ICA1L: variants seen among roughly 807,000 people sequenced by gnomAD.
ICA1L encodes islet cell autoantigen 1 like.
In ICA1L, 50 loss-of-function variants were observed where a neutral mutation model predicts 61.3. The observed-to-expected ratio is 0.82, with a 90% CI of 0.65 to 1.03. The LOEUF is 1.03. ICA1L is among the 50% of genes least tolerant of loss of function. The pLI is 0.00. For missense variants in ICA1L, 508 were observed against 556.7 expected (o/e 0.91, Z 0.88); for synonymous variants, 161 against 191.3 (o/e 0.84, Z 1.31).
At chr2:202,835,264 G>C (rs144630409) in intron 1 of ICA1L, among the ~76,000 whole-genome samples, 1 of 141,094 alleles carries the variant, frequency 7.1e-6, no homozygotes, top group Non-Finnish European at 1.5e-5. Context: ...TGTTGCCTAG[G>C]CTGGAGTGCA....
rs1433737190 is a variant in ICA1L at position 202,773,693 on chromosome 2, A to G, written c.*5840T>C. On this transcript the variant is annotated 3_prime_UTR_variant, in exon 13 of 13. Transcript: ENST00000358299. ...TAGATGCCCAAGAGCTATCATTAAT[A>G]TATACAGCATATTGACTCTAGTTGC... 1 of 928,326 alleles carries G rather than the reference A, an allele frequency of 1.1e-6. No homozygotes were observed. Among genetic ancestry groups the G allele is most frequent in the East Asian group, 2.5e-5 (1 of 39,700 alleles). The allele number at this position is 928,326 out of a possible 1,614,324, so 57.5% of individuals were successfully genotyped here.
intron 1 of ICA1L, among the ~76,000 whole-genome samples, chr2:202,852,832 C>A (rs1379473008): frequency 6.7e-6 from 1 of 150,036 alleles, no homozygotes; most frequent in Admixed American, 6.6e-5. Flanking sequence ...GATGAAAATG[C>A]TCATCATCAC....
intron 1 of ICA1L, among the ~76,000 whole-genome samples, chr2:202,868,314 G>A (rs1191698500): frequency 6.6e-6 from 1 of 152,106 alleles, no homozygotes; most frequent in Non-Finnish European, 1.5e-5. Flanking sequence ...AAATGACAAA[G>A]ACTGACAACA....
chr2:202,819,810 T>C lies in ICA1L; in HGVS notation c.449A>G (p.Asn150Ser). The C allele has an allele frequency of 6.2e-7, 1 of 1,614,088 alleles. No homozygotes were observed. The highest frequency in any genetic ancestry group is 8.5e-7 in the Non-Finnish European group (1 of 1,179,936). Residue 150 changes from asparagine to serine, a missense_variant, in exon 5 of 13, where the codon AAT (asparagine) becomes AGT (serine). Transcript: ENST00000358299. Reference protein sequence around the residue: ...RAVSDTLMTINRMEQARTEYR... With the variant: ...RAVSDTLMTISRMEQARTEYR... ...TTCTGTGCGTGCCTGCTCCATCCGA[T>C]TAATTGTCATCAAGGTATCAGATAC...
chr2:202,782,359 AAAAAC>A (rs1463442279), intron 12 of ICA1L, among the ~76,000 whole-genome samples: 11 of 151,876 alleles, frequency 7.2e-5, no homozygotes, highest in East Asian at 5.8e-4. Flanking sequence ...AAACAAAAAC[AAAAAC>A]AAAACATCAA....
intron 2 of ICA1L, among the ~76,000 whole-genome samples, chr2:202,827,832 G>C (rs1004096542): frequency 2.0e-5 from 3 of 152,092 alleles, no homozygotes; most frequent in African/African-American, 2.4e-5. Context: ...TTGGCAATGA[G>C]GTAAGTTTAC....
intron 9 of ICA1L, among the ~76,000 whole-genome samples, chr2:202,809,420 G>A (rs780876248): frequency 1.3e-5 from 2 of 152,020 alleles, no homozygotes; most frequent in African/African-American, 2.4e-5. Context: ...GAGGCCAAGC[G>A]GGTGGATCAC....
intron 2 of ICA1L, 44 bp from the exon 3 acceptor site, chr2:202,825,811 C>T: frequency 1.6e-6 from 2 of 1,233,586 alleles, no homozygotes; most frequent in South Asian, 1.4e-5. Context: ...GAACTATAAA[C>T]AAATATATGT....
chr2:202,843,531 T>C (rs1314527465), intron 1 of ICA1L, among the ~76,000 whole-genome samples: 1 of 152,222 alleles, frequency 6.6e-6, no homozygotes, highest in Non-Finnish European at 1.5e-5. Flanking sequence ...CTCTTGGCAC[T>C]GGTGCCTGAT....
rs1345446672 is a variant in ICA1L, at chr2:202,777,676, G to A, written c.*1857C>T. On this transcript the variant is annotated 3_prime_UTR_variant, in exon 13 of 13. Coordinates refer to ENST00000358299, the MANE Select transcript of ICA1L (RefSeq NM_001288622.3). ...CCAGCCTATACTGTACTTGGCCATT[G>A]TAGTAGTTTTCTGGAGAGCCTGTGG... 1 of 152,116 alleles carries A rather than the reference G, an allele frequency of 6.6e-6. No individual in the cohort carries two copies. The highest frequency in any genetic ancestry group is 1.5e-5 in the Non-Finnish European group (1 of 68,048). 9.4% of individuals were successfully genotyped at this position (152,116 alleles called of 1,614,324 possible). A position where few individuals can be genotyped will look rare whatever the true frequency, so the allele number is the denominator to read the frequency against.
rs1693694572 is a variant in ICA1L, at chr2:202,821,257, T to C, written c.359+101A>G. 9 of 1,135,738 alleles carry C rather than the reference T, an allele frequency of 7.9e-6. No homozygotes were observed. The South Asian group carries it at 1.4e-4, about 18-fold the overall frequency. The allele number at this position is 1,135,738 out of a possible 1,614,324, so 70.4% of individuals were successfully genotyped here. ...TGATATATTTCTCTTTAACCCTTTA[T>C]TAGAATGAACAGTGACCTTTACAAA... On this transcript the variant is annotated intron_variant, in intron 4 of 12. Coordinates refer to ENST00000358299, the MANE Select transcript of ICA1L (RefSeq NM_001288622.3).
intron 1 of ICA1L, among the ~76,000 whole-genome samples, chr2:202,860,674 C>T (rs1169298203): frequency 6.6e-6 from 1 of 151,214 alleles, no homozygotes; most frequent in African/African-American, 2.4e-5. Flanking sequence ...ATTGCTTGAA[C>T]CCGGGACACG....
chr2:202,817,412 G>T lies in ICA1L; in HGVS notation c.684+6C>A, dbSNP rs372083726. ...GCAAGGATATGCTGACCATGGAGGT[G>T]GGTACCTGGTAGGTAGTGAGCGAAT... On this transcript the variant is annotated splice_donor_region_variant and intron_variant, in intron 6 of 12. Coordinates refer to ENST00000358299, the MANE Select transcript of ICA1L (RefSeq NM_001288622.3). 108 of 1,567,986 alleles carry T rather than the reference G, an allele frequency of 6.9e-5. No homozygotes were observed. In the African/African-American group the frequency reaches 1.3e-3, roughly 18 times the overall value.
Position 202,821,377 on chromosome 2 carries a change from A to G in ICA1L, c.340T>C (p.Cys114Arg). The G allele has an allele frequency of 6.2e-7, 1 of 1,613,624 alleles. No individual in the cohort carries two copies. The highest frequency in any genetic ancestry group is 8.5e-7 in the Non-Finnish European group (1 of 1,179,842). Reference protein sequence around the residue: ...KMMDATGKALCSSAKQRLALC... With the variant: ...KMMDATGKALRSSAKQRLALC... ...GTAAACCTTTGCTTGGCTGAAGAAC[A>G]AAGTGCCTTGCCAGTGGCATCCATC... Residue 114 changes from cysteine (C) to arginine (R), a missense_variant, in exon 4 of 13, where the codon TGT becomes CGT. By Grantham distance (180) the Cys-to-Arg change is radical. Coordinates refer to ENST00000358299, the MANE Select transcript of ICA1L (RefSeq NM_001288622.3).
chr2:202,814,761 C>T lies in ICA1L; in HGVS notation c.807G>A (p.Lys269=). 6.2e-7 allele frequency: 1 copy of T among 1,613,622 alleles called. No individual in the cohort carries two copies. Among genetic ancestry groups the T allele is most frequent in the Non-Finnish European group, 8.5e-7 (1 of 1,179,678 alleles). The stretch of plus-strand genomic sequence containing the variant: ...GTTCATCTTTATTGTCTTCACTAAT[C>T]TTGCTTGGCGTGTCTTGTAGTTGCT... ...ALKQLQDTPS[K]ISEDNKDEQI... The change falls in exon 8 of 13, where the codon AAG becomes AAA. Residue 269 remains lysine, a synonymous_variant. Coordinates refer to ENST00000358299, the MANE Select transcript of ICA1L (RefSeq NM_001288622.3).
At chr2:202,839,590 G>C (rs1694262548) in intron 1 of ICA1L, among the ~76,000 whole-genome samples, 1 of 148,654 alleles carries the variant, frequency 6.7e-6, no homozygotes, top group Admixed American at 6.7e-5. Flanking sequence ...GTGTGTGTGT[G>C]TGTGTGTGTG....
chr2:202,801,936 G>T (rs1311588760), intron 9 of ICA1L, among the ~76,000 whole-genome samples: 1 of 152,174 alleles, frequency 6.6e-6, no homozygotes, highest in Non-Finnish European at 1.5e-5. Flanking sequence ...GAGTCCCACA[G>T]ATTAAGAGCA....
chr2:202,804,708 GTA>G (rs1693177611), intron 9 of ICA1L, among the ~76,000 whole-genome samples: 1 of 152,200 alleles, frequency 6.6e-6, no homozygotes, highest in Non-Finnish European at 1.5e-5. Context: ...AACAGTTTGA[GTA>G]TACATTCTTC....
At chr2:202,857,372 G>C (rs1694795004) in intron 1 of ICA1L, among the ~76,000 whole-genome samples, 1 of 152,092 alleles carries the variant, frequency 6.6e-6, no homozygotes, top group African/African-American at 2.4e-5. Flanking sequence ...ACAAGCAATG[G>C]GGAAAGGAGT....
Sources: allele counts gnomAD v4.1 joint callset (sites outside exome capture counted in the v4.1 genomes callset), GRCh38; gene constraint gnomAD v4.1.1; transcripts MANE v1.5; gene names NCBI Gene and HGNC (gene_info 2026-07-23, HGNC 2026-07-21).